The following PCDH11X variants were observed in gnomAD, a reference collection of about 807,000 sequenced individuals.
PCDH11X encodes the protein protocadherin-11 X-linked.
PCDH11X carries 18 observed loss-of-function variants against 53.3 expected under a neutral mutation model. The ratio of observed to expected loss-of-function variants is 0.34; its 90% CI spans 0.23 to 0.50. The LOEUF (loss-of-function observed/expected upper bound fraction) is 0.50. PCDH11X is among the 20% of genes least tolerant of loss of function. The pLI is 0.98. For synonymous variants in PCDH11X, 279 were observed against 393.3 expected (o/e 0.71, Z 3.44); for missense variants, 570 against 1,032.4 (o/e 0.55, Z 6.14).
At chrX:92,181,313 G>T (rs1477535749) in intron 6 of PCDH11X, among the ~76,000 whole-genome samples, 1 of 111,534 alleles carries the variant, frequency 9.0e-6, no homozygotes, top group Non-Finnish European at 1.9e-5. Flanking sequence ...TTTCTAAGCA[G>T]CAAAGCATTC....
intron 6 of PCDH11X, among the ~76,000 whole-genome samples, chrX:92,062,532 A>G (rs752799413): frequency 8.9e-6 from 1 of 111,787 alleles, no homozygotes; most frequent in South Asian, 3.7e-4. Context: ...TTTTAACATG[A>G]AAGGATATGA....
At chrX:91,974,642 A>T (rs1021015956) in intron 6 of PCDH11X, among the ~76,000 whole-genome samples, 9 of 109,898 alleles carry the variant, frequency 8.2e-5, no homozygotes, top group African/African-American at 3.0e-4. Context: ...GGCAAGGGAG[A>T]TATTTGGAAA....
chrX:91,831,045 T>A (rs1937088701), intron 4 of PCDH11X, among the ~76,000 whole-genome samples: 1 of 112,071 alleles, frequency 8.9e-6, no homozygotes, highest in Non-Finnish European at 1.9e-5. Context: ...TTGAAATTTC[T>A]AGAATTGCAT....
At chrX:92,218,111 A>G (rs1464149986) in intron 7 of PCDH11X, among the ~76,000 whole-genome samples, 1 of 111,673 alleles carries the variant, frequency 9.0e-6, no homozygotes, top group African/African-American at 3.3e-5. Context: ...TCCAAAATTG[A>G]CACCCTAACA....
At chrX:92,280,832 C>T (rs985747302) in intron 8 of PCDH11X, among the ~76,000 whole-genome samples, 1 of 110,134 alleles carries the variant, frequency 9.1e-6, no homozygotes, top group African/African-American at 3.3e-5. Flanking sequence ...GAAAACTTTA[C>T]CATTTACAGT....
chrX:91,825,626 C>T lies in PCDH11X; in HGVS notation c.-44-9835C>T, dbSNP rs748743149. ...GTACCTCAGATGGAAATGCAGAAATCACCTGTCTTCTGCGTCGCTCAGGCT... is the reference window on the plus strand; with the variant it reads ...GTACCTCAGATGGAAATGCAGAAATTACCTGTCTTCTGCGTCGCTCAGGCT... On this transcript the variant is annotated intron_variant, in intron 4 of 10. Coordinates refer to ENST00000682573, the MANE Select transcript of PCDH11X (RefSeq NM_032968.5). 1.2e-4 allele frequency among the ~76,000 whole-genome samples: 13 copies of T among 110,333 alleles called. No homozygotes were observed. In the East Asian group the frequency reaches 3.4e-3, roughly 29 times the overall value.
At chrX:91,786,271 C>G (rs1935331589) in intron 1 of PCDH11X, among the ~76,000 whole-genome samples, 1 of 107,730 alleles carries the variant, frequency 9.3e-6, no homozygotes, top group Non-Finnish European at 1.9e-5. Context: ...TTTTGTACAC[C>G]TAATCTGCTC....
rs1222567814 is a variant in PCDH11X, at chrX:91,908,475, G to A, written c.3033+29202G>A. ...AAAAAATGCAAATCAAAACCACAAT[G>A]AGATAGCAACTCACGCCAGTCAGAA... On this transcript the variant is annotated intron_variant, in intron 6 of 10. Coordinates refer to ENST00000682573, the MANE Select transcript of PCDH11X (RefSeq NM_032968.5). 2.7e-5 allele frequency among the ~76,000 whole-genome samples: 3 copies of A among 111,803 alleles called. No homozygotes were observed. In the Admixed American group the frequency reaches 2.9e-4, roughly 11 times the overall value.
chrX:92,243,982 T>C (rs181298112), intron 7 of PCDH11X, among the ~76,000 whole-genome samples: 47 of 111,313 alleles, frequency 4.2e-4, no homozygotes, highest in African/African-American at 1.5e-3. Context: ...GAAATTATTC[T>C]GAATTATCTA....
chrX:92,565,036 T>C (rs1820390505), intron 10 of PCDH11X, among the ~76,000 whole-genome samples: 1 of 110,816 alleles, frequency 9.0e-6, no homozygotes, highest in African/African-American at 3.3e-5. Context: ...ACATCACTGA[T>C]TATCAGAGAA....
intron 8 of PCDH11X, among the ~76,000 whole-genome samples, chrX:92,263,967 C>T (rs771796931): frequency 8.0e-5 from 9 of 111,955 alleles, no homozygotes; most frequent in East Asian, 2.8e-4. Flanking sequence ...TGACAGAAGA[C>T]GTTTTGAATA....
At chrX:91,911,175 T>A (rs1297851925) in intron 6 of PCDH11X, among the ~76,000 whole-genome samples, 9 of 110,898 alleles carry the variant, frequency 8.1e-5, no homozygotes, top group Admixed American at 1.9e-4. Flanking sequence ...CCGATAAATG[T>A]TAGGTCCTTT....
chrX:92,280,560 A>T (rs775692709), intron 8 of PCDH11X, among the ~76,000 whole-genome samples: 7 of 108,669 alleles, frequency 6.4e-5, no homozygotes, highest in African/African-American at 2.0e-4. Flanking sequence ...AAATAAATAA[A>T]TAATAGAATA....
Position 92,135,183 on chromosome X carries a change from G to A in PCDH11X, c.3034-66192G>A, listed in dbSNP as rs2065063400. ...GTTCCCCATTTTACTATGAACTAAT[G>A]AAACAGCAGCTTTAATGCATTTTAT... On this transcript the variant is annotated intron_variant, in intron 6 of 10. Transcript: ENST00000682573. Among the ~76,000 whole-genome samples the A allele has an allele frequency of 1.8e-5, 2 of 111,472 alleles. 1 individual carries two copies. Among genetic ancestry groups the A allele is most frequent in the South Asian group, 7.5e-4 (2 of 2,659 alleles).
chrX:91,832,652 T>A (rs1184590947), intron 4 of PCDH11X, among the ~76,000 whole-genome samples: 1 of 108,905 alleles, frequency 9.2e-6, no homozygotes, highest in Non-Finnish European at 1.9e-5. Flanking sequence ...ATTAAAAAAA[T>A]TAAAAATAAA....
intron 6 of PCDH11X, among the ~76,000 whole-genome samples, chrX:92,040,877 CAT>C (rs2063199334): frequency 1.0e-5 from 1 of 99,394 alleles, no homozygotes; most frequent in Admixed American, 1.1e-4. Context: ...ACTATTGCTA[CAT>C]GTTTTGAATG....
chrX:92,439,258 G>C (rs1178800465), intron 9 of PCDH11X, among the ~76,000 whole-genome samples: 1 of 111,416 alleles, frequency 9.0e-6, no homozygotes, highest in Non-Finnish European at 1.9e-5. Context: ...CACCAAGTGG[G>C]CTACAATAAT....
chrX:92,412,491 A>C (rs1325755025), intron 9 of PCDH11X, among the ~76,000 whole-genome samples: 1 of 79,175 alleles, frequency 1.3e-5, no homozygotes, highest in African/African-American at 4.8e-5. Flanking sequence ...AAATTTGATG[A>C]TCAAAATAAA....
chrX:92,005,268 C>CT (rs777577370), intron 6 of PCDH11X, among the ~76,000 whole-genome samples: 2 of 111,189 alleles, frequency 1.8e-5, no homozygotes, highest in African/African-American at 6.5e-5. Flanking sequence ...TCTTCTCTTT[C>CT]TTTTTTCTTT....
Sources: allele counts gnomAD v4.1 joint callset (sites outside exome capture counted in the v4.1 genomes callset), GRCh38; gene constraint gnomAD v4.1.1; transcripts MANE v1.5; gene names NCBI Gene and HGNC (gene_info 2026-07-23, HGNC 2026-07-21).